Variants in COL1A1 observed in about 807,000 individuals in gnomAD.
The protein encoded by COL1A1 is collagen type I alpha 1 chain.
Under a neutral mutation model 195.7 loss-of-function variants are expected in COL1A1, and 21 were observed. That is an observed-to-expected ratio of 0.11 (90% CI 0.08 to 0.15). COL1A1 has a LOEUF of 0.15. COL1A1 is among the 10% of genes least tolerant of loss of function. The pLI is 1.00. For missense variants in COL1A1, 1,365 were observed against 2,051.0 expected, an observed-to-expected ratio of 0.67 and a Z score of 6.46; for synonymous variants, 749 against 747.3, an observed-to-expected ratio of 1.00 and a Z score of -0.04.
In COL1A1 at chr17:50,199,238, A is replaced by AGGGGGTCCGGGAGGTCCG; in HGVS notation, c.441_458dup (p.Pro149_Gly154dup). 6.8e-7 allele frequency: 1 copy of AGGGGGTCCGGGAGGTCCG among 1,463,748 alleles called. No homozygotes were observed. Among genetic ancestry groups the AGGGGGTCCGGGAGGTCCG allele is most frequent in the South Asian group, 1.4e-5 (1 of 72,052 alleles). 90.7% of individuals were successfully genotyped at this position (1,463,748 alleles called of 1,614,324 possible). The stretch of plus-strand genomic sequence containing the variant: ...CCTCTCCACTTACTCCTCCGAGGCC[A>AGGGGGTCCGGGAGGTCCG]GGGGGTCCGGGAGGTCCGGGGGGTC... On this transcript the variant is annotated inframe_insertion, in exon 5 of 51. Coordinates refer to ENST00000225964, the MANE Select transcript of COL1A1 (RefSeq NM_000088.4).
In COL1A1 at chr17:50,184,440, T is replaced by C. The variant is rs1302332982; in HGVS notation, c.*1062A>G. The C allele has an allele frequency of 2.4e-5, 4 of 167,636 alleles. No individual in the cohort carries two copies. The highest frequency in any genetic ancestry group is 6.9e-5 in the East Asian group (1 of 14,590). 10.4% of individuals were successfully genotyped at this position (167,636 alleles called of 1,614,324 possible). On this transcript the variant is annotated 3_prime_UTR_variant, in exon 51 of 51. Transcript: ENST00000225964. ...GCACACGCTCTCCTCCCATGTTAAA[T>C]AGCACCTTTAGAAAAATTCACAAGT...
At position 50,188,123 on chromosome 17, in the gene COL1A1, G is replaced by T. The variant is rs370895601; in HGVS notation, c.3234C>A (p.Val1078=). The change falls in exon 44 of 51, where the codon GTC becomes GTA. Residue 1078 remains valine, a synonymous_variant. Transcript: ENST00000225964. The surrounding 1 kb of genome is among the most constrained non-coding windows in gnomAD (Gnocchi z 5.6). ...ETGPAGPAGP[V]GPVGARGPAG... ...CGGGGCCACGGGCGCCAACAGGGCC[G>T]ACAGGACCGGCGGGACCAGCAGGAC... 6.3e-7 allele frequency: 1 copy of T among 1,576,394 alleles called. No individual in the cohort carries two copies. The highest frequency in any genetic ancestry group is 8.6e-7 in the Non-Finnish European group (1 of 1,159,520).
At position 50,188,119 on chromosome 17, in the gene COL1A1, G is replaced by A; in HGVS notation, c.3238C>T (p.Pro1080Ser). ...GPAGPAGPVGPVGARGPAGPQ... is the reference protein window; with the variant it reads ...GPAGPAGPVGSVGARGPAGPQ... ...ACGGCGGGGCCACGGGCGCCAACAG[G>A]GCCGACAGGACCGGCGGGACCAGCA... Residue 1080 changes from proline to serine, a missense_variant, in exon 44 of 51, where the codon CCT (proline) becomes TCT (serine). Transcript: ENST00000225964. The surrounding 1 kb of genome is among the most constrained non-coding windows in gnomAD (Gnocchi z 5.6). 6.3e-7 allele frequency: 1 copy of A among 1,581,574 alleles called. No individual in the cohort carries two copies. Among genetic ancestry groups the A allele is most frequent in the Non-Finnish European group, 8.6e-7 (1 of 1,162,304 alleles).
intron 1 of COL1A1, 136 bp from the exon 2 acceptor site, chr17:50,200,083 T>C: frequency 1.0e-6 from 1 of 994,452 alleles, no homozygotes; most frequent in Non-Finnish European, 1.6e-6. Flanking sequence ...CTCAAATCCT[T>C]AAAAGCTCGC....
At chr17:50,198,229 G>T (rs113638816) in intron 6 of COL1A1, 24 bp from the exon 7 acceptor site, 11 of 1,613,378 alleles carry the variant, frequency 6.8e-6, no homozygotes, top group Middle Eastern at 3.3e-4. Context: ...AGAAAGGGGG[G>T]TCATGGTGAT....
At position 50,196,991 on chromosome 17, in the gene COL1A1, T is replaced by C; in HGVS notation, c.804+19A>G. ...ATGCTAGGGACTTGGGGAGCTTAAA[T>C]GACTCAAAGGTGACTCACTCTGTGT... is the stretch of plus-strand genomic sequence containing the variant. On this transcript the variant is annotated intron_variant, in intron 11 of 50. Transcript: ENST00000225964. 1.2e-6 allele frequency: 2 copies of C among 1,613,856 alleles called. No individual in the cohort carries two copies. The highest frequency in any genetic ancestry group is 1.7e-6 in the Non-Finnish European group (2 of 1,179,938).
Position 50,185,308 on chromosome 17 carries a change from C to G in COL1A1, c.*194G>C, listed in dbSNP as rs886053158. 2.2e-5 allele frequency: 5 copies of G among 232,254 alleles called. No individual in the cohort carries two copies. The highest frequency in any genetic ancestry group is 1.5e-5 in the Non-Finnish European group (2 of 131,886). The allele number at this position is 232,254 out of a possible 1,614,324, so 14.4% of individuals were successfully genotyped here. On this transcript the variant is annotated 3_prime_UTR_variant, in exon 51 of 51. Coordinates refer to ENST00000225964, the MANE Select transcript of COL1A1 (RefSeq NM_000088.4). ...GTTGAATGCACTTTTGGTTTTTGGT[C>G]ATGTTCGGTTGGTCAAAGATAAAAA...
At chr17:50,193,484 CT>C (rs3062009) in intron 25 of COL1A1, 502 of 168,930 alleles carry the variant, frequency 3.0e-3, no homozygotes, top group South Asian at 0.012. Context: ...TTTCTTTCTT[CT>C]TTTTTTTTTT....
In COL1A1 at chr17:50,185,736, G is replaced by A. The variant is rs764976595; in HGVS notation, c.4248+42C>T. 1.7e-5 allele frequency: 28 copies of A among 1,612,274 alleles called. No homozygotes were observed. In the East Asian group the frequency reaches 2.7e-4, roughly 15 times the overall value. ...CTATGGCCTGGCCAAAAAGCCCAAG[G>A]CCGGAGAGGTGGGGCCCTGCCTGGG... On this transcript the variant is annotated intron_variant, in intron 50 of 50. Transcript: ENST00000225964.
In COL1A1 at chr17:50,192,545, G is replaced by C. The variant is rs951287910; in HGVS notation, c.1930-17C>G. On this transcript the variant is annotated splice_polypyrimidine_tract_variant and intron_variant, in intron 28 of 50. Transcript: ENST00000225964. ...AGGGAGACCCTGTAGGTGGGAAATGGGGGAAGAAGGGAGGGAAGGTTTAGA... is the reference window on the plus strand; with the variant it reads ...AGGGAGACCCTGTAGGTGGGAAATGCGGGAAGAAGGGAGGGAAGGTTTAGA... 6.2e-7 allele frequency: 1 copy of C among 1,613,942 alleles called. No individual in the cohort carries two copies. The highest frequency in any genetic ancestry group is 1.3e-5 in the African/African-American group (1 of 74,890).
chr17:50,188,177 C>G lies in COL1A1; in HGVS notation c.3208-28G>C. The G allele has an allele frequency of 6.5e-7, 1 of 1,538,032 alleles. No homozygotes were observed. The highest frequency in any genetic ancestry group is 1.4e-5 in the African/African-American group (1 of 72,866). On this transcript the variant is annotated intron_variant, in intron 43 of 50. Coordinates refer to ENST00000225964, the MANE Select transcript of COL1A1 (RefSeq NM_000088.4). This position sits in a 1 kb window ranked among gnomAD's most constrained non-coding sequence, Gnocchi z 5.6. Reference sequence around the variant, plus strand: ...GGGGAGAGCAAGGAAAGCATGAGCTCTTGGCCAGGGAAGGCTGAGGCTGGG... The same window carrying G: ...GGGGAGAGCAAGGAAAGCATGAGCTGTTGGCCAGGGAAGGCTGAGGCTGGG...
In COL1A1 at chr17:50,197,232, C is replaced by G; in HGVS notation, c.698G>C (p.Gly233Ala). Residue 233 changes from glycine (G) to alanine (A), a missense_variant and splice_region_variant, in exon 10 of 51, where the codon GGG becomes GCG. Gly to Ala is a moderately conservative substitution (Grantham distance 60). Transcript: ENST00000225964. ...PGPPGKNGDD[G>A]EAGKPGRPGE... ...AGGACGACCAGGTTTTCCAGCTTCC[C>G]CCTGAGAGGGAGAGAAAAGACCATC... The G allele has an allele frequency of 8.1e-6, 13 of 1,612,750 alleles. No individual in the cohort carries two copies. The highest frequency in any genetic ancestry group is 1.1e-5 in the Non-Finnish European group (13 of 1,180,006).
Position 50,199,922 on chromosome 17 carries a change from G to A in COL1A1, c.129C>T (p.Asn43=). ...EDIPPITCVQ[N]GLRYHDRDVW... is the part of the protein sequence containing the mutation. ...CGTCTCGGTCATGGTACCTGAGGCC[G>A]TTCTGTACGCAGGTGATTGGTGGGA... The change falls in exon 2 of 51, where the codon AAC becomes AAT. Residue 43 remains asparagine, a synonymous_variant. Transcript: ENST00000225964. The A allele has an allele frequency of 6.2e-7, 1 of 1,614,204 alleles. No individual in the cohort carries two copies. The highest frequency in any genetic ancestry group is 8.5e-7 in the Non-Finnish European group (1 of 1,180,042).
chr17:50,194,107 G>C lies in COL1A1; in HGVS notation c.1668+23C>G, dbSNP rs374783717. 1.2e-6 allele frequency: 2 copies of C among 1,612,370 alleles called. No homozygotes were observed. Among genetic ancestry groups the C allele is most frequent in the Non-Finnish European group, 1.7e-6 (2 of 1,178,666 alleles). ...GGAGGCAGACAGGACAATGGCAGGGGGTTCAGGGGGAGTGATACTTACAGG... is the reference window on the plus strand; with the variant it reads ...GGAGGCAGACAGGACAATGGCAGGGCGTTCAGGGGGAGTGATACTTACAGG... On this transcript the variant is annotated intron_variant, in intron 24 of 50. Coordinates refer to ENST00000225964, the MANE Select transcript of COL1A1 (RefSeq NM_000088.4). This position sits in a 1 kb window ranked among gnomAD's most constrained non-coding sequence, Gnocchi z 6.8.
intron 1 of COL1A1, among the ~76,000 whole-genome samples, chr17:50,200,506 C>T (rs1883080841): frequency 6.6e-6 from 1 of 152,184 alleles, no homozygotes; most frequent in Admixed American, 6.5e-5. Flanking sequence ...ACCCTAACCT[C>T]CAGCACCTAG....
chr17:50,186,598 G>T lies in COL1A1; in HGVS notation c.3814+42C>A. The T allele has an allele frequency of 6.2e-7, 1 of 1,613,536 alleles. No individual in the cohort carries two copies. Reference sequence around the variant, plus strand: ...CATATGGGCATGGGGACCCTGGCATGGCAGGAGTAGGAGGGAGGGAGAGGC... The same window carrying T: ...CATATGGGCATGGGGACCCTGGCATTGCAGGAGTAGGAGGGAGGGAGAGGC... On this transcript the variant is annotated intron_variant, in intron 48 of 50. Transcript: ENST00000225964. The surrounding 1 kb of genome is among the most constrained non-coding windows in gnomAD (Gnocchi z 5.3).
At chr17:50,201,235 C>T (rs1371371089) in intron 1 of COL1A1, among the ~76,000 whole-genome samples, 176 bp downstream of exon 1, 2 of 152,236 alleles carry the variant, frequency 1.3e-5, no homozygotes, top group African/African-American at 4.8e-5. Context: ...TCAACCCCAA[C>T]CTCGCCCCAG....
chr17:50,199,483 G>T (rs754660439), intron 3 of COL1A1, 30 bp from the exon 4 acceptor site: 2 of 1,614,194 alleles, frequency 1.2e-6, no homozygotes, highest in East Asian at 2.2e-5. Context: ...GAAACAAGAG[G>T]CCAGGTTAGA....
chr17:50,186,399 G>A lies in COL1A1; in HGVS notation c.3923C>T (p.Ala1308Val), dbSNP rs1370247898. 6.2e-7 allele frequency: 1 copy of A among 1,614,170 alleles called. No individual in the cohort carries two copies. Among genetic ancestry groups the A allele is most frequent in the Non-Finnish European group, 8.5e-7 (1 of 1,180,038 alleles). ...CTTGCTGATGTACCAGTTCTTCTGG[G>A]CCACACTGGGCTGAGTGGGGTACAC... ...TCVYPTQPSV[A>V]QKNWYISKNP... Residue 1308 changes from alanine (A) to valine (V), a missense_variant, in exon 49 of 51, where the codon GCC (alanine) becomes GTC (valine). Ala to Val is a moderately conservative substitution (Grantham distance 64, BLOSUM62 0). Transcript: ENST00000225964. The surrounding 1 kb of genome is among the most constrained non-coding windows in gnomAD (Gnocchi z 5.3).
Sources: allele counts gnomAD v4.1 joint callset (sites outside exome capture counted in the v4.1 genomes callset), GRCh38; gene constraint gnomAD v4.1.1; non-coding constraint Gnocchi (gnomAD v3.1); transcripts MANE v1.5; gene names NCBI Gene and HGNC (gene_info 2026-07-23, HGNC 2026-07-21).